Variants in MAP4K2 observed in about 807,000 individuals in gnomAD.
MAP4K2 encodes the protein mitogen-activated protein kinase kinase kinase kinase 2, also known as B lymphocyte serine/threonine protein kinase.
MAP4K2 carries 85 observed loss-of-function variants against 125.3 expected under a neutral mutation model. The observed-to-expected ratio is 0.68, with a 90% CI of 0.57 to 0.81. The LOEUF (loss-of-function observed/expected upper bound fraction) is 0.81, where lower values mean the gene tolerates loss of function less well. Among genes scored for constraint, MAP4K2 ranks in the 40% least tolerant of loss-of-function variants. The probability of loss-of-function intolerance (pLI) is 0.00; values close to 1 mark genes in which losing one functional copy is unlikely to be tolerated. For synonymous variants in MAP4K2, 479 were observed against 445.1 expected, an observed-to-expected ratio of 1.08 and a Z score of -0.96; for missense variants, 923 against 1,056.4, an observed-to-expected ratio of 0.87 and a Z score of 1.75.
At chr11:64,798,652 C>T (rs1209436085) in intron 15 of MAP4K2, 142 bp downstream of exon 15, 6 of 793,156 alleles carry the variant, frequency 7.6e-6, no homozygotes, top group South Asian at 1.6e-5. Flanking sequence ...CAAAGCTGGT[C>T]TTGAACTCCT....
At chr11:64,795,557 C>G (rs569670522) in intron 24 of MAP4K2, among the ~76,000 whole-genome samples, 86 of 152,132 alleles carry the variant, frequency 5.7e-4, no homozygotes, top group Non-Finnish European at 1.1e-3. Flanking sequence ...TGTGCCACCA[C>G]GCCCGGCTAA....
At position 64,803,056 on chromosome 11, in the gene MAP4K2, T is replaced by C. The variant is rs1442642533; in HGVS notation, c.94A>G (p.Lys32Glu). 1.2e-6 allele frequency: 2 copies of C among 1,603,874 alleles called. No homozygotes were observed. The highest frequency in any genetic ancestry group is 1.7e-6 in the Non-Finnish European group (2 of 1,178,040). ...CTCTCCCGCCCGTCCCGTCGCACCTTGTAGACGTCGCCATAGGTCCCGGCC... is the reference window on the plus strand; with the variant it reads ...CTCTCCCGCCCGTCCCGTCGCACCTCGTAGACGTCGCCATAGGTCCCGGCC... The part of the protein sequence containing the change: ...VGAGTYGDVY[K>E]ARDTVTSELA... The change falls in exon 1 of 32, where the codon AAG becomes GAG. Residue 32 changes from lysine to glutamate, a missense_variant and splice_region_variant. By Grantham distance (56) the Lys-to-Glu change is moderately conservative. Around this residue, in one of 2 missense-constraint regions of MAP4K2, gnomAD observed 833 missense variants for 911.4 expected, o/e 0.91. Transcript: ENST00000294066.
Position 64,797,548 on chromosome 11 carries a change from A to T in MAP4K2, c.1137-14T>A, listed in dbSNP as rs1175274803. ...ATAGTCAGACTCCTGTGGGAGGGAG[A>T]TGAGGCGTGAGGCATGAGGTGTGAC... On this transcript the variant is annotated splice_polypyrimidine_tract_variant and intron_variant, in intron 16 of 31. Coordinates refer to ENST00000294066, the MANE Select transcript of MAP4K2 (RefSeq NM_004579.5). 2 of 1,572,284 alleles carry T rather than the reference A, an allele frequency of 1.3e-6. No individual in the cohort carries two copies. The highest frequency in any genetic ancestry group is 4.7e-5 in the East Asian group (2 of 42,742).
At chr11:64,793,290 C>A (rs1208197703) in intron 24 of MAP4K2, among the ~76,000 whole-genome samples, 1 of 152,134 alleles carries the variant, frequency 6.6e-6, no homozygotes, top group Non-Finnish European at 1.5e-5. Context: ...AGGCTCCAGC[C>A]CCACCAGGTT....
At chr11:64,798,661 C>T in intron 15 of MAP4K2, 133 bp downstream of exon 15, 1 of 881,344 alleles carries the variant, frequency 1.1e-6, no homozygotes, top group Middle Eastern at 3.2e-4. Flanking sequence ...TCTTGAACTC[C>T]TGACCTCAGG....
At position 64,790,126 on chromosome 11, in the gene MAP4K2, C is replaced by T. The variant is rs543617419; in HGVS notation, c.2248+62G>A. On this transcript the variant is annotated intron_variant, in intron 29 of 31. Coordinates refer to ENST00000294066, the MANE Select transcript of MAP4K2 (RefSeq NM_004579.5). ...CCTCATCCTACCGCCAGCCCCAGGC[C>T]CCTGAGCAACAACGTGCTCCAGGCC... The T allele has an allele frequency of 2.6e-5, 41 of 1,593,206 alleles. No homozygotes were observed. In the African/African-American group the frequency reaches 5.2e-4, roughly 20 times the overall value.
chr11:64,802,028 G>A (rs758215052), intron 5 of MAP4K2, 38 bp downstream of exon 5: 5 of 1,597,714 alleles, frequency 3.1e-6, no homozygotes, highest in East Asian at 2.2e-5. Flanking sequence ...CACAGCTTCT[G>A]GAGACCAGAG....
intron 24 of MAP4K2, among the ~76,000 whole-genome samples, chr11:64,792,840 G>C (rs1940581955): frequency 1.3e-5 from 2 of 152,124 alleles, no homozygotes; most frequent in African/African-American, 4.8e-5. Context: ...GCTCACAGAG[G>C]GCCAGCTCCT....
At position 64,800,950 on chromosome 11, in the gene MAP4K2, G is replaced by A. The variant is rs1322147570; in HGVS notation, c.612C>T (p.Ala204=). 1 of 1,614,048 alleles carries A rather than the reference G, an allele frequency of 6.2e-7. No homozygotes were observed. The highest frequency in any genetic ancestry group is 2.2e-5 in the East Asian group (1 of 44,884). The change falls in exon 9 of 32, where the codon GCC becomes GCT. Residue 204 remains alanine (A), a synonymous_variant. Transcript: ENST00000294066. ...GGGGCTGCAGCTCGCCCAGCTCAAT[G>A]GCAGTGATGCCCAGGGCCCAGACGT... ...LCDVWALGIT[A]IELGELQPPL...
intron 24 of MAP4K2, among the ~76,000 whole-genome samples, chr11:64,793,914 T>C (rs1312787531): frequency 6.6e-6 from 1 of 152,122 alleles, no homozygotes; most frequent in Admixed American, 6.5e-5. Context: ...GGGACTGAGC[T>C]CAGGAAGCCC....
Position 64,797,355 on chromosome 11 carries a change from A to G in MAP4K2, c.1196T>C (p.Met399Thr), listed in dbSNP as rs777776359. Reference protein sequence around the residue: ...FQELDSPDDTMGTIKRAPFLG... With the variant: ...FQELDSPDDTTGTIKRAPFLG... ...GAACGGGGCCCGCTTGATGGTTCCC[A>G]TGGTATCGTCTGGGGAGTCCAGCTC... The change falls in exon 18 of 32, where the codon ATG becomes ACG. Residue 399 changes from methionine to threonine, a missense_variant. Around this residue, in one of 2 missense-constraint regions of MAP4K2, gnomAD observed 833 missense variants for 911.4 expected, o/e 0.91. Coordinates refer to ENST00000294066, the MANE Select transcript of MAP4K2 (RefSeq NM_004579.5). 2 of 1,595,092 alleles carry G rather than the reference A, an allele frequency of 1.3e-6. No homozygotes were observed. Among genetic ancestry groups the G allele is most frequent in the Non-Finnish European group, 1.7e-6 (2 of 1,170,820 alleles).
rs1193661793 is a variant in MAP4K2, at chr11:64,802,900, C to CT, written c.138dup (p.Val47SerfsTer21). The CT allele has an allele frequency of 3.7e-6, 6 of 1,601,682 alleles. No individual in the cohort carries two copies. The highest frequency in any genetic ancestry group is 5.1e-6 in the Non-Finnish European group (6 of 1,174,870). On this transcript the variant is annotated frameshift_variant, in exon 2 of 32. Coordinates refer to ENST00000294066, the MANE Select transcript of MAP4K2 (RefSeq NM_004579.5). LOFTEE classifies it high-confidence loss of function. The stretch of plus-strand genomic sequence containing the variant: ...GGGCCCTCACCTGGGTCTAGCTTGA[C>CT]TATCTTCACGGCGGCCAGTTCGGAC...
At chr11:64,801,981 C>G in intron 5 of MAP4K2, 85 bp downstream of exon 5, 1 of 1,428,162 alleles carries the variant, frequency 7.0e-7, no homozygotes, top group Non-Finnish European at 9.6e-7. Flanking sequence ...CCGAGGCACT[C>G]CACCCGCCTC....
At chr11:64,800,681 G>GC in intron 10 of MAP4K2, 83 bp downstream of exon 10, 1 of 1,523,190 alleles carries the variant, frequency 6.6e-7, no homozygotes, top group Non-Finnish European at 8.9e-7. Context: ...TCTTGGGGTT[G>GC]CCCCCCGGGA....
At chr11:64,802,516 A>G (rs371518868) in intron 3 of MAP4K2, 33 bp from the exon 4 acceptor site, 1 of 1,566,954 alleles carries the variant, frequency 6.4e-7, no homozygotes, top group African/African-American at 1.4e-5. Context: ...GGCACAAAGC[A>G]GGTCACATGG....
At chr11:64,802,358 C>A in intron 4 of MAP4K2, 61 bp downstream of exon 4, 1 of 1,462,742 alleles carries the variant, frequency 6.8e-7, no homozygotes, top group Non-Finnish European at 9.2e-7. Context: ...CCTCTGGTAC[C>A]CCAGTGGGGT....
chr11:64,798,615 A>G (rs769221232), intron 15 of MAP4K2, among the ~76,000 whole-genome samples, 179 bp downstream of exon 15: 7 of 149,228 alleles, frequency 4.7e-5, no homozygotes, highest in Non-Finnish European at 1.0e-4. Flanking sequence ...TTGTATTTTA[A>G]GTAGAGGTGG....
Position 64,798,271 on chromosome 11 carries a change from T to C in MAP4K2, c.1097+523A>G, listed in dbSNP as rs139329096. Among the ~76,000 whole-genome samples, 1,172 of 152,264 alleles carry C rather than the reference T, an allele frequency of 7.7e-3. 19 individuals are homozygous for C. Among genetic ancestry groups the C allele is most frequent in the African/African-American group, 0.027 (1,119 of 41,566 alleles). On this transcript the variant is annotated intron_variant, in intron 15 of 31. Coordinates refer to ENST00000294066, the MANE Select transcript of MAP4K2 (RefSeq NM_004579.5). The stretch of plus-strand genomic sequence containing the variant: ...ACCTCCGCCTCCCGGGTTCAAGCGA[T>C]TCTCCTGTCTTAGCCTCCTGAGTAG...
chr11:64,798,311 G>A lies in MAP4K2; in HGVS notation c.1097+483C>T, dbSNP rs368337775. On this transcript the variant is annotated intron_variant, in intron 15 of 31. Coordinates refer to ENST00000294066, the MANE Select transcript of MAP4K2 (RefSeq NM_004579.5). ...CTCCTGAGTAGCTGGGATTACAGGC[G>A]CCTGCCACCACACCGGCTAATTTTT... Among the ~76,000 whole-genome samples the A allele has an allele frequency of 2.6e-4, 39 of 152,120 alleles. No individual in the cohort carries two copies. In the East Asian group the frequency reaches 4.9e-3, roughly 19 times the overall value.
Sources: allele counts gnomAD v4.1 joint callset (sites outside exome capture counted in the v4.1 genomes callset), GRCh38; gene constraint gnomAD v4.1.1; regional missense constraint gnomAD v4.1.1; transcripts MANE v1.5; gene names NCBI Gene and HGNC (gene_info 2026-07-23, HGNC 2026-07-21).